The following LDB2 variants were observed in gnomAD, a reference collection of about 807,000 sequenced individuals.
The protein encoded by LDB2 is LIM domain binding 2.
In LDB2, 12 loss-of-function variants were observed where a neutral mutation model predicts 44.3. The observed-to-expected ratio is 0.27, with a 90% CI of 0.17 to 0.44. LDB2 has a LOEUF of 0.44. Among genes scored for constraint, LDB2 ranks in the 20% least tolerant of loss-of-function variants. The pLI, the probability that LDB2 is intolerant of heterozygous loss-of-function variation, is 1.00. For missense variants in LDB2, 344 were observed against 473.5 expected (o/e 0.73, Z 2.54); for synonymous variants, 164 against 174.8 (o/e 0.94, Z 0.49).
Position 16,883,813 on chromosome 4 carries a change from G to A in LDB2, c.132+14541C>T, listed in dbSNP as rs140351870. ...GACTAGAGGCCCCAGGCCGCTAAAC[G>A]ATTCATGGCCCACATTGTAGACCTC... is the stretch of plus-strand genomic sequence containing the variant. On this transcript the variant is annotated intron_variant, in intron 1 of 7. Coordinates refer to ENST00000304523, the MANE Select transcript of LDB2 (RefSeq NM_001290.5). Among the ~76,000 whole-genome samples, 23 of 152,220 alleles carry A rather than the reference G, an allele frequency of 1.5e-4. No individual in the cohort carries two copies. In the East Asian group the frequency reaches 3.1e-3, roughly 20 times the overall value.
At chr4:16,754,893 AAGC>A (rs1766205234) in intron 2 of LDB2, among the ~76,000 whole-genome samples, 2 of 152,244 alleles carry the variant, frequency 1.3e-5, no homozygotes, top group South Asian at 4.1e-4. Flanking sequence ...TTATCAAGCA[AAGC>A]ATGGATTAAA....
intron 1 of LDB2, among the ~76,000 whole-genome samples, chr4:16,827,860 G>A (rs1783341314): frequency 6.6e-6 from 1 of 152,168 alleles, no homozygotes; most frequent in South Asian, 2.1e-4. Flanking sequence ...ACACTGGTTG[G>A]GCCAGACCTC....
At chr4:16,812,980 G>A (rs1173171621) in intron 1 of LDB2, among the ~76,000 whole-genome samples, 1 of 151,880 alleles carries the variant, frequency 6.6e-6, no homozygotes, top group Non-Finnish European at 1.5e-5. Context: ...TTTTGAAGCA[G>A]GCGTGCCTCA....
intron 5 of LDB2, among the ~76,000 whole-genome samples, chr4:16,539,033 T>C (rs770889543): frequency 2.0e-5 from 3 of 152,208 alleles, no homozygotes; most frequent in Admixed American, 1.3e-4. Context: ...AATCTTAAGA[T>C]GCTTGTAAGC....
intron 2 of LDB2, among the ~76,000 whole-genome samples, chr4:16,599,365 G>C (rs1260238775): frequency 6.6e-6 from 1 of 152,078 alleles, no homozygotes; most frequent in East Asian, 1.9e-4. Context: ...GTTGGGGCCT[G>C]GCGAGGCATC....
chr4:16,595,078 C>T (rs1008336156), intron 3 of LDB2, among the ~76,000 whole-genome samples: 1 of 152,034 alleles, frequency 6.6e-6, no homozygotes, highest in Admixed American at 6.6e-5. Flanking sequence ...GTTAAATCTC[C>T]ATCTCTTCTA....
chr4:16,821,142 G>C (rs1781885342), intron 1 of LDB2, among the ~76,000 whole-genome samples: 1 of 152,090 alleles, frequency 6.6e-6, no homozygotes, highest in Non-Finnish European at 1.5e-5. Context: ...TACCCATTTG[G>C]CACCTTCTTC....
intron 2 of LDB2, among the ~76,000 whole-genome samples, chr4:16,747,598 T>C (rs1764649846): frequency 6.6e-6 from 1 of 152,234 alleles, no homozygotes; most frequent in Non-Finnish European, 1.5e-5. Context: ...CTAGTACTTC[T>C]CATATATGAC....
intron 3 of LDB2, among the ~76,000 whole-genome samples, chr4:16,592,076 C>G (rs777949090): frequency 1.3e-5 from 2 of 152,034 alleles, no homozygotes; most frequent in South Asian, 4.1e-4. Context: ...AATCAATGCC[C>G]CCAGTACAGA....
chr4:16,888,722 G>A lies in LDB2; in HGVS notation c.132+9632C>T, dbSNP rs564802450. 716 of 983,844 alleles carry A rather than the reference G, an allele frequency of 7.3e-4. 1 individual carries two copies. Among genetic ancestry groups the A allele is most frequent in the Non-Finnish European group, 8.0e-4 (663 of 828,612 alleles). The allele number at this position is 983,844 out of a possible 1,614,324, so 60.9% of individuals were successfully genotyped here. ...CCAGAATAAGTGTATCGTCGTCATC[G>A]TCGTCATCATCATCATAGTTCCCAA... On this transcript the variant is annotated intron_variant, in intron 1 of 7. Transcript: ENST00000304523.
At chr4:16,731,382 T>C (rs1196923572) in intron 2 of LDB2, among the ~76,000 whole-genome samples, 1 of 152,148 alleles carries the variant, frequency 6.6e-6, no homozygotes. Context: ...CTTGATGTGA[T>C]GGTATTTGGA....
Position 16,823,831 on chromosome 4 carries a change from T to A in LDB2, c.133-64571A>T, listed in dbSNP as rs957843835. Among the ~76,000 whole-genome samples the A allele has an allele frequency of 2.0e-5, 3 of 152,250 alleles. 1 individual carries two copies. Among genetic ancestry groups the A allele is most frequent in the Admixed American group, 2.0e-4 (3 of 15,290 alleles). On this transcript the variant is annotated intron_variant, in intron 1 of 7. Transcript: ENST00000304523. Reference sequence around the variant, plus strand: ...AGAGAAAACTGAATTGTGCTTCTAGTGTACAATCTTACCTAATTATGCCAG... The same window carrying A: ...AGAGAAAACTGAATTGTGCTTCTAGAGTACAATCTTACCTAATTATGCCAG...
At chr4:16,744,519 G>A (rs1302533664) in intron 2 of LDB2, among the ~76,000 whole-genome samples, 1 of 151,442 alleles carries the variant, frequency 6.6e-6, no homozygotes, top group African/African-American at 2.4e-5. Flanking sequence ...CTGTTGCCCA[G>A]GCTGGAGTGC....
intron 2 of LDB2, among the ~76,000 whole-genome samples, chr4:16,723,552 A>G (rs1758777836): frequency 6.6e-6 from 1 of 152,148 alleles, no homozygotes. Flanking sequence ...ATTGGGGAAT[A>G]TATTTAAACC....
At chr4:16,540,344 TCAAGATGAAAGAGGGTGGCCA>T (rs1733349706) in intron 5 of LDB2, among the ~76,000 whole-genome samples, 1 of 152,150 alleles carries the variant, frequency 6.6e-6, no homozygotes, top group Non-Finnish European at 1.5e-5. Flanking sequence ...CGGTGTAGTT[TCAAGATGAAAGAGGGTGGCCA>T]ACCTAAGCCT....
intron 2 of LDB2, among the ~76,000 whole-genome samples, chr4:16,616,922 A>T (rs1013242812): frequency 5.9e-5 from 9 of 152,306 alleles, no homozygotes; most frequent in Non-Finnish European, 1.3e-4. Flanking sequence ...TTGCATTCAA[A>T]TGATTGTTAG....
chr4:16,797,343 A>T (rs187874492), intron 1 of LDB2, among the ~76,000 whole-genome samples: 2 of 152,310 alleles, frequency 1.3e-5, no homozygotes, highest in African/African-American at 2.4e-5. Flanking sequence ...CAAACTAAGG[A>T]TCATACTAAG....
intron 1 of LDB2, among the ~76,000 whole-genome samples, chr4:16,768,684 C>T (rs1769913212): frequency 6.6e-6 from 1 of 152,160 alleles, no homozygotes; most frequent in Non-Finnish European, 1.5e-5. Context: ...GCCACCCTTT[C>T]TCCAAAACCA....
At chr4:16,804,717 C>A (rs79408823) in intron 1 of LDB2, among the ~76,000 whole-genome samples, 2,157 of 152,246 alleles carry the variant, frequency 0.014, 65 homozygotes, top group African/African-American at 0.049. Context: ...CAGCTTGAGG[C>A]AACTGTTGCC....
Sources: allele counts gnomAD v4.1 joint callset (sites outside exome capture counted in the v4.1 genomes callset), GRCh38; gene constraint gnomAD v4.1.1; transcripts MANE v1.5; gene names NCBI Gene and HGNC (gene_info 2026-07-23, HGNC 2026-07-21).